The following DMRT1 variants were observed in gnomAD, a reference collection of about 807,000 sequenced individuals.
The protein encoded by DMRT1 is doublesex- and mab-3-related transcription factor 1.
Under a neutral mutation model 32.3 loss-of-function variants are expected in DMRT1, and 7 were observed. The observed-to-expected ratio is 0.22, with a 90% CI of 0.12 to 0.41. DMRT1 has a LOEUF of 0.41. DMRT1 is among the 10% of genes least tolerant of loss of function. The probability of loss-of-function intolerance (pLI) is 1.00; values close to 1 mark genes in which losing one functional copy is unlikely to be tolerated. For missense variants in DMRT1, 625 were observed against 500.5 expected, an observed-to-expected ratio of 1.25 and a Z score of -2.37; for synonymous variants, 278 against 206.1, an observed-to-expected ratio of 1.35 and a Z score of -2.99.
intron 4 of DMRT1, among the ~76,000 whole-genome samples, chr9:957,848 A>C (rs948322860): frequency 5.9e-5 from 9 of 151,970 alleles, no homozygotes; most frequent in Admixed American, 1.3e-4. Flanking sequence ...TGGCTCTACT[A>C]AAAATACAAA....
At position 968,534 on chromosome 9, in the gene DMRT1, A is replaced by AT. The variant is rs1820010418; in HGVS notation, c.*401dup. On this transcript the variant is annotated 3_prime_UTR_variant, in exon 5 of 5. Transcript: ENST00000382276. ...TTAGGGGTTTTTTTTTTTTTTAAGT[A>AT]TTTTTTAAAAACCTGCAAAGATATA... 3 of 167,216 alleles carry AT rather than the reference A, an allele frequency of 1.8e-5. No homozygotes were observed. Among genetic ancestry groups the AT allele is most frequent in the Admixed American group, 5.7e-5 (1 of 17,430 alleles). The allele number at this position is 167,216 out of a possible 1,614,324, so 10.4% of individuals were successfully genotyped here. A position where few individuals can be genotyped will look rare whatever the true frequency, so the allele number is the denominator to read the frequency against.
intron 2 of DMRT1, among the ~76,000 whole-genome samples, chr9:868,894 C>A (rs559958976): frequency 2.4e-4 from 36 of 152,216 alleles, no homozygotes; most frequent in South Asian, 1.7e-3. Context: ...CCTGTGGTCT[C>A]AGCTACTTGG....
At chr9:844,605 A>C (rs1838820672) in intron 1 of DMRT1, among the ~76,000 whole-genome samples, 1 of 151,100 alleles carries the variant, frequency 6.6e-6, no homozygotes, top group Admixed American at 6.6e-5. Flanking sequence ...TCTAAGTCGA[A>C]GACTTTTTTT....
At position 847,031 on chromosome 9, in the gene DMRT1, G is replaced by T. The variant is rs201368121; in HGVS notation, c.426G>T (p.Ala142=). 161 of 1,614,132 alleles carry T rather than the reference G, an allele frequency of 1.0e-4. No homozygotes were observed. The South Asian group carries it at 1.7e-3, about 17-fold the overall frequency. ...GISHPIPLPS[A]AELLVKRENN... is the part of the protein sequence containing the mutation. ...GCCACCCCATCCCACTGCCCAGTGC[G>T]GCCGAGCTGCTTGTCAAAAGAGAGA... Residue 142 remains alanine (A), a synonymous_variant, in exon 2 of 5, where the codon GCG becomes GCT. Transcript: ENST00000382276.
intron 4 of DMRT1, among the ~76,000 whole-genome samples, chr9:941,572 G>T (rs971011695): frequency 2.6e-5 from 4 of 152,136 alleles, no homozygotes; most frequent in African/African-American, 7.2e-5. Flanking sequence ...TTTGGGTATA[G>T]AGTTACAGTT....
chr9:863,012 A>C (rs1449583052), intron 2 of DMRT1, among the ~76,000 whole-genome samples: 1 of 152,018 alleles, frequency 6.6e-6, no homozygotes, highest in Non-Finnish European at 1.5e-5. Flanking sequence ...TAATGGCATG[A>C]ATCCTTAAAA....
chr9:942,266 A>G (rs1194570231), intron 4 of DMRT1, among the ~76,000 whole-genome samples: 1 of 152,128 alleles, frequency 6.6e-6, no homozygotes, highest in Non-Finnish European at 1.5e-5. Flanking sequence ...AAAGAGAAAT[A>G]TCAATTTTCC....
At position 841,993 on chromosome 9, in the gene DMRT1, G is replaced by A. The variant is rs1458907539; in HGVS notation, c.155G>A (p.Arg52Lys). ...GGCTCGAGCGCCGGGGGCAGCAGCA[G>A]AGGAGGCGGCTCCGGCTCCGGGGCG... ...ASGSSAGGSS[R>K]GGGSGSGASD... The change falls in exon 1 of 5, where the codon AGA (arginine) becomes AAA (lysine). Residue 52 changes from arginine (R) to lysine (K), a missense_variant. Arg to Lys is a conservative substitution (Grantham distance 26). This residue lies in a region of DMRT1 where 201 missense variants were observed against 152.0 expected (regional missense o/e 1.32). Coordinates refer to ENST00000382276, the MANE Select transcript of DMRT1 (RefSeq NM_021951.3). 4 of 1,568,416 alleles carry A rather than the reference G, an allele frequency of 2.6e-6. No individual in the cohort carries two copies. Among genetic ancestry groups the A allele is most frequent in the Middle Eastern group, 1.9e-4 (1 of 5,264 alleles).
At chr9:888,975 A>AG (rs1817039053) in intron 2 of DMRT1, among the ~76,000 whole-genome samples, 1 of 151,894 alleles carries the variant, frequency 6.6e-6, no homozygotes, top group Non-Finnish European at 1.5e-5. Flanking sequence ...AAAAAAAAAA[A>AG]AAAAGAATTT....
At chr9:905,484 G>GTC (rs776102249) in intron 3 of DMRT1, among the ~76,000 whole-genome samples, 4 of 142,618 alleles carry the variant, frequency 2.8e-5, no homozygotes, top group Admixed American at 2.1e-4. Flanking sequence ...CTGTGTGTGT[G>GTC]TGTCTGTGTG....
At chr9:927,648 G>A (rs191309413) in intron 4 of DMRT1, among the ~76,000 whole-genome samples, 106 of 152,262 alleles carry the variant, frequency 7.0e-4, no homozygotes, top group African/African-American at 2.4e-3. Flanking sequence ...CATCTTGCCC[G>A]TATACACGGG....
intron 2 of DMRT1, among the ~76,000 whole-genome samples, chr9:893,476 C>T (rs1817230093): frequency 1.3e-5 from 2 of 152,262 alleles, no homozygotes; most frequent in Non-Finnish European, 2.9e-5. Context: ...GTTAAGGAAA[C>T]AGGTGTTCAC....
At chr9:960,388 A>C (rs567120345) in intron 4 of DMRT1, among the ~76,000 whole-genome samples, 1 of 152,316 alleles carries the variant, frequency 6.6e-6, no homozygotes, top group African/African-American at 2.4e-5. Flanking sequence ...AATCCTATTA[A>C]TTTCCAATGG....
intron 3 of DMRT1, chr9:894,414 G>A: frequency 1.7e-6 from 1 of 599,454 alleles, no homozygotes; most frequent in Admixed American, 2.8e-5. Flanking sequence ...TGTCAATAAT[G>A]CCCTTTAGCC....
chr9:898,974 G>GA (rs1315345691), intron 3 of DMRT1, among the ~76,000 whole-genome samples: 2 of 152,064 alleles, frequency 1.3e-5, no homozygotes, highest in African/African-American at 4.8e-5. Flanking sequence ...TTTCAGTAAA[G>GA]AAATCTTTCA....
At chr9:863,664 G>T (rs1815828971) in intron 2 of DMRT1, among the ~76,000 whole-genome samples, 1 of 152,194 alleles carries the variant, frequency 6.6e-6, no homozygotes, top group Non-Finnish European at 1.5e-5. Context: ...ACAGAGACTG[G>T]CGTCAGATTT....
intron 4 of DMRT1, among the ~76,000 whole-genome samples, chr9:942,060 C>T (rs1210102702): frequency 6.6e-6 from 1 of 152,170 alleles, no homozygotes; most frequent in East Asian, 1.9e-4. Context: ...CCATCATCTT[C>T]CTTTATTCTC....
chr9:898,115 G>A (rs140983845), intron 3 of DMRT1, among the ~76,000 whole-genome samples: 1 of 141,484 alleles, frequency 7.1e-6, no homozygotes, highest in African/African-American at 2.5e-5. Flanking sequence ...TTTTTCTTTT[G>A]TTATTGTTGT....
chr9:916,942 T>C, intron 4 of DMRT1, 35 bp downstream of exon 4: 1 of 1,613,212 alleles, frequency 6.2e-7, no homozygotes, highest in African/African-American at 1.3e-5. Context: ...GATTTGGGGT[T>C]GAGAGAGGAT....
Sources: allele counts gnomAD v4.1 joint callset (sites outside exome capture counted in the v4.1 genomes callset), GRCh38; gene constraint gnomAD v4.1.1; regional missense constraint gnomAD v4.1.1; transcripts MANE v1.5; gene names NCBI Gene and HGNC (gene_info 2026-07-23, HGNC 2026-07-21).